The following CD2AP variants were observed in gnomAD, a reference collection of about 807,000 sequenced individuals.
CD2AP encodes CD2-associated protein.
CD2AP carries 46 observed loss-of-function variants against 85.1 expected under a neutral mutation model. The ratio of observed to expected loss-of-function variants is 0.54; its 90% confidence interval spans 0.43 to 0.69. The LOEUF (loss-of-function observed/expected upper bound fraction) is 0.69, where lower values mean the gene tolerates loss of function less well. Among genes scored for constraint, CD2AP ranks in the 30% least tolerant of loss-of-function variants. CD2AP has a pLI of 0.00. For synonymous variants in CD2AP, 255 were observed against 252.9 expected (o/e 1.01, Z -0.08); for missense variants, 769 against 729.5 (o/e 1.05, Z -0.62).
At chr6:47,622,509 G>A (rs766276730) in intron 17 of CD2AP, among the ~76,000 whole-genome samples, 53 of 152,276 alleles carry the variant, frequency 3.5e-4, no homozygotes, top group Non-Finnish European at 6.8e-4. Context: ...AGCTCCCAGG[G>A]CCTTTCAGCT....
intron 4 of CD2AP, among the ~76,000 whole-genome samples, chr6:47,549,306 A>G (rs1213822967): frequency 6.6e-6 from 1 of 152,080 alleles, no homozygotes; most frequent in African/African-American, 2.4e-5. Flanking sequence ...TGAAATCCCT[A>G]AAGACTCCTT....
At chr6:47,547,568 A>G (rs949781915) in intron 4 of CD2AP, among the ~76,000 whole-genome samples, 1 of 152,094 alleles carries the variant, frequency 6.6e-6, no homozygotes, top group Admixed American at 6.6e-5. Context: ...AGATAGTAAG[A>G]CAATAATAGT....
chr6:47,610,971 A>ATATATTTTTTTT, intron 16 of CD2AP, among the ~76,000 whole-genome samples: 2 of 112,908 alleles, frequency 1.8e-5, no homozygotes, highest in African/African-American at 7.2e-5. Flanking sequence ...ATATATATGT[A>ATATATTTTTTTT]TTTTTTTTTT....
At chr6:47,536,526 C>A (rs1473413034) in intron 3 of CD2AP, among the ~76,000 whole-genome samples, 1 of 152,068 alleles carries the variant, frequency 6.6e-6, no homozygotes. Flanking sequence ...TGTTGAGTAT[C>A]CAAAAACTGG....
chr6:47,511,834 C>G (rs865924971), intron 2 of CD2AP, among the ~76,000 whole-genome samples: 1 of 152,062 alleles, frequency 6.6e-6, no homozygotes, highest in East Asian at 1.9e-4. Context: ...CACGTTCATC[C>G]TGGCTAACAC....
intron 4 of CD2AP, among the ~76,000 whole-genome samples, chr6:47,551,921 C>A (rs1767537255): frequency 6.6e-6 from 1 of 152,152 alleles, no homozygotes; most frequent in Admixed American, 6.5e-5. Context: ...CAGTTCACGG[C>A]TCTTAAGTGC....
intron 6 of CD2AP, among the ~76,000 whole-genome samples, chr6:47,576,153 A>G (rs1768304167): frequency 6.6e-6 from 1 of 152,148 alleles, no homozygotes; most frequent in Non-Finnish European, 1.5e-5. Flanking sequence ...TAGCTCACTT[A>G]TAACCTTGAA....
intron 2 of CD2AP, among the ~76,000 whole-genome samples, chr6:47,524,407 A>G (rs1038651906): frequency 2.0e-5 from 3 of 152,162 alleles, no homozygotes; most frequent in African/African-American, 7.2e-5. Flanking sequence ...CGTTAGAAGA[A>G]ATTGTAAACA....
At chr6:47,520,297 G>T (rs1766552645) in intron 2 of CD2AP, among the ~76,000 whole-genome samples, 1 of 152,148 alleles carries the variant, frequency 6.6e-6, no homozygotes, top group African/African-American at 2.4e-5. Context: ...AGTCAATATT[G>T]GTTGAGGACC....
At chr6:47,529,009 C>G in intron 2 of CD2AP, among the ~76,000 whole-genome samples, 1 of 152,010 alleles carries the variant, frequency 6.6e-6, no homozygotes, top group Non-Finnish European at 1.5e-5. Flanking sequence ...GAGCAGTTGC[C>G]CAAGTCAGGA....
At chr6:47,533,086 A>C (rs1215516729) in intron 2 of CD2AP, among the ~76,000 whole-genome samples, 1 of 152,212 alleles carries the variant, frequency 6.6e-6, no homozygotes, top group Non-Finnish European at 1.5e-5. Flanking sequence ...AATCAAAAGG[A>C]TAATATGACA....
At chr6:47,608,657 A>AT (rs1769340216) in intron 15 of CD2AP, among the ~76,000 whole-genome samples, 2 of 152,008 alleles carry the variant, frequency 1.3e-5, no homozygotes, top group African/African-American at 2.4e-5. Context: ...GTGACTTTCT[A>AT]TTTTTTTAGT....
intron 5 of CD2AP, among the ~76,000 whole-genome samples, chr6:47,557,394 T>A (rs1012268769): frequency 1.3e-5 from 2 of 152,172 alleles, no homozygotes; most frequent in African/African-American, 4.8e-5. Flanking sequence ...TCATGAAGTC[T>A]TTGCCCATGC....
intron 1 of CD2AP, among the ~76,000 whole-genome samples, chr6:47,478,469 C>T (rs62410677): frequency 6.6e-6 from 1 of 151,992 alleles, no homozygotes; most frequent in African/African-American, 2.4e-5. Flanking sequence ...CCTCGCTCTC[C>T]CTTCTCCGCC....
At chr6:47,600,928 A>G (rs552562104) in intron 13 of CD2AP, among the ~76,000 whole-genome samples, 2 of 151,990 alleles carry the variant, frequency 1.3e-5, no homozygotes, top group South Asian at 4.1e-4. Context: ...TTATCACATA[A>G]GTCTTTAAAT....
chr6:47,515,377 C>T (rs745947224), intron 2 of CD2AP, among the ~76,000 whole-genome samples: 25 of 152,124 alleles, frequency 1.6e-4, no homozygotes, highest in Middle Eastern at 3.2e-3. Flanking sequence ...CAGAGTGCTA[C>T]ATTGAGAGTG....
intron 17 of CD2AP, among the ~76,000 whole-genome samples, chr6:47,616,025 C>T (rs1051906280): frequency 2.0e-4 from 29 of 148,564 alleles, no homozygotes; most frequent in African/African-American, 6.0e-4. Flanking sequence ...CCTTGTGATT[C>T]GCCCGCCTCA....
intron 10 of CD2AP, among the ~76,000 whole-genome samples, chr6:47,581,446 GT>G (rs1305131370): frequency 6.6e-6 from 1 of 151,978 alleles, no homozygotes; most frequent in Admixed American, 6.6e-5. Flanking sequence ...AAGATTTGCT[GT>G]TTTTTTAGAA....
intron 5 of CD2AP, among the ~76,000 whole-genome samples, chr6:47,570,541 T>C (rs1445262949): frequency 0.018 from 1 of 56 alleles, no homozygotes; most frequent in African/African-American, 0.018. Flanking sequence ...CCTTATCCTC[T>C]TTTCTTCTTT....
Sources: allele counts gnomAD v4.1 joint callset (sites outside exome capture counted in the v4.1 genomes callset), GRCh38; gene constraint gnomAD v4.1.1; transcripts MANE v1.5; gene names NCBI Gene and HGNC (gene_info 2026-07-23, HGNC 2026-07-21).